Variants in RACGAP1 observed in about 807,000 individuals in gnomAD.
RACGAP1 encodes rac GTPase-activating protein 1.
RACGAP1 carries 30 observed loss-of-function variants against 78.1 expected under a neutral mutation model. The ratio of observed to expected loss-of-function variants is 0.38; its 90% CI spans 0.29 to 0.52. The LOEUF (loss-of-function observed/expected upper bound fraction) is 0.52, where lower values mean the gene tolerates loss of function less well. Ranked by LOEUF, RACGAP1 falls within the 20% of genes least tolerant of loss-of-function variation. RACGAP1 has a pLI of 0.82. For synonymous variants in RACGAP1, 231 were observed against 264.8 expected (o/e 0.87, Z 1.24); for missense variants, 587 against 777.1 (o/e 0.76, Z 2.91).
intron 1 of RACGAP1, among the ~76,000 whole-genome samples, chr12:50,024,604 C>T (rs568705736): frequency 3.0e-4 from 46 of 152,200 alleles, no homozygotes; most frequent in Admixed American, 5.2e-4. Flanking sequence ...GACCTCACCA[C>T]GACGCGATAT....
chr12:50,027,826 AAATCAATCAATC>A (rs532135598), upstream of RACGAP1, among the ~76,000 whole-genome samples: 1 of 152,136 alleles, frequency 6.6e-6, no homozygotes, highest in Non-Finnish European at 1.5e-5. Flanking sequence ...ACTCCATCTC[AAATCAATCAATC>A]AATCAATCAA....
At chr12:50,027,136 A>C (rs999111410), upstream of RACGAP1, among the ~76,000 whole-genome samples, 4 of 152,240 alleles carry the variant, frequency 2.6e-5, no homozygotes, top group Admixed American at 6.5e-5. Flanking sequence ...ACACTATCAA[A>C]GTTTATACTT....
chr12:50,028,899 T>C (rs1950304802), upstream of RACGAP1, among the ~76,000 whole-genome samples: 1 of 151,646 alleles, frequency 6.6e-6, no homozygotes, highest in African/African-American at 2.4e-5. Flanking sequence ...CTGGCCAACA[T>C]GGTGAAACCC....
chr12:49,994,113 T>C lies in RACGAP1; in HGVS notation c.1339+18A>G. The C allele has an allele frequency of 6.3e-7, 1 of 1,587,092 alleles. No homozygotes were observed. Among genetic ancestry groups the C allele is most frequent in the Non-Finnish European group, 8.6e-7 (1 of 1,159,580 alleles). ...TGCCGTGGAGGAATTCATATTCAAG[T>C]ATTACATCTGCCCTTACCTGCTGCT... On this transcript the variant is annotated intron_variant, in intron 12 of 16. Coordinates refer to ENST00000312377, the MANE Select transcript of RACGAP1 (RefSeq NM_001319999.2).
chr12:50,023,943 GGAGGTCAGTAGATCAA>G (rs1344471358), intron 1 of RACGAP1, among the ~76,000 whole-genome samples: 5 of 151,690 alleles, frequency 3.3e-5, no homozygotes, highest in Non-Finnish European at 7.4e-5. Context: ...GGGCAGATCA[GGAGGTCAGTAGATCAA>G]GACCATCCTG....
chr12:50,004,352 G>A, intron 4 of RACGAP1, 48 bp from the exon 5 acceptor site: 1 of 1,551,698 alleles, frequency 6.4e-7, no homozygotes, highest in South Asian at 1.2e-5. Context: ...ACTGTGGAAT[G>A]TAAAATTCAC....
chr12:50,015,942 T>TG (rs1252842252), intron 2 of RACGAP1, among the ~76,000 whole-genome samples: 1 of 151,148 alleles, frequency 6.6e-6, no homozygotes, highest in East Asian at 1.9e-4. Context: ...CCACTTCAAC[T>TG]GAAAATGCTT....
chr12:49,992,334 C>A lies in RACGAP1; in HGVS notation c.1489G>T (p.Ala497Ser). ...ACTATTGTAGGGCCAAAGACTTTAGCCAGATTGGCAACATCCATTTTAGTA... is the reference window on the plus strand; with the variant it reads ...ACTATTGTAGGGCCAAAGACTTTAGACAGATTGGCAACATCCATTTTAGTA... ...PHTKMDVANLAKVFGPTIVAH... is the reference protein window; with the variant it reads ...PHTKMDVANLSKVFGPTIVAH... The change falls in exon 14 of 17, where the codon GCT (alanine) becomes TCT (serine). Residue 497 changes from alanine to serine, a missense_variant. Coordinates refer to ENST00000312377, the MANE Select transcript of RACGAP1 (RefSeq NM_001319999.2). The A allele has an allele frequency of 1.2e-6, 2 of 1,614,136 alleles. No homozygotes were observed. The highest frequency in any genetic ancestry group is 1.7e-6 in the Non-Finnish European group (2 of 1,179,978).
At chr12:50,015,867 C>T (rs753812752) in intron 2 of RACGAP1, among the ~76,000 whole-genome samples, 101 of 150,034 alleles carry the variant, frequency 6.7e-4, no homozygotes, top group Non-Finnish European at 1.1e-3. Flanking sequence ...GGCATGGTGG[C>T]GCAACCTGGG....
chr12:50,024,725 C>A (rs1191248576), intron 1 of RACGAP1, among the ~76,000 whole-genome samples: 1 of 151,976 alleles, frequency 6.6e-6, no homozygotes, highest in Non-Finnish European at 1.5e-5. Flanking sequence ...AAGGCGCCTT[C>A]TCTAAACACC....
chr12:50,000,787 C>T (rs556924660), intron 7 of RACGAP1, among the ~76,000 whole-genome samples: 2 of 152,108 alleles, frequency 1.3e-5, no homozygotes, highest in South Asian at 4.2e-4. Flanking sequence ...CGGAGGCTCA[C>T]GCCTGTAATC....
chr12:49,993,516 G>A (rs899937049), intron 12 of RACGAP1, among the ~76,000 whole-genome samples: 7 of 152,208 alleles, frequency 4.6e-5, no homozygotes, highest in Non-Finnish European at 8.8e-5. Context: ...GCCAGGTGTG[G>A]TGGCTCATGC....
rs557862037 is a variant in RACGAP1, at chr12:49,994,514, A to G, written c.1045-5T>C. 12 of 1,499,910 alleles carry G rather than the reference A, an allele frequency of 8.0e-6. No individual in the cohort carries two copies. The African/African-American group carries it at 1.1e-4, about 14-fold the overall frequency. 92.9% of individuals were successfully genotyped at this position (1,499,910 alleles called of 1,614,324 possible). A position where few individuals can be genotyped will look rare whatever the true frequency, so the allele number is the denominator to read the frequency against. ...CACAAAGTCTGCCAGCATTCCCTGG[A>G]AAAAAAAAAGAGCTTTAAATTATTA... is the stretch of plus-strand genomic sequence containing the variant. On this transcript the variant is annotated splice_polypyrimidine_tract_variant and splice_region_variant and intron_variant, in intron 10 of 16. Coordinates refer to ENST00000312377, the MANE Select transcript of RACGAP1 (RefSeq NM_001319999.2).
chr12:50,002,286 A>C lies in RACGAP1; in HGVS notation c.510T>G (p.Ser170=), dbSNP rs749379833. ...KTDESLDWDS[S]LVKTFKLKKR... ...TCTTCAGTTTGAAAGTCTTCACCAA[A>C]GAAGAGTCCCAATCCTGTTGACAAT... The change falls in exon 6 of 17, where the codon TCT becomes TCG. Residue 170 remains serine (S), a synonymous_variant. Transcript: ENST00000312377. 1 of 1,613,660 alleles carries C rather than the reference A, an allele frequency of 6.2e-7. No individual in the cohort carries two copies. The highest frequency in any genetic ancestry group is 1.1e-5 in the South Asian group (1 of 91,056).
chr12:50,023,884 G>A (rs539424169), intron 1 of RACGAP1, among the ~76,000 whole-genome samples: 25 of 152,128 alleles, frequency 1.6e-4, no homozygotes, highest in Non-Finnish European at 3.2e-4. Context: ...TATATCGGCC[G>A]GGCGTGGTGG....
chr12:50,000,411 T>G (rs918158989), intron 7 of RACGAP1, among the ~76,000 whole-genome samples: 6 of 151,970 alleles, frequency 3.9e-5, no homozygotes, highest in African/African-American at 1.4e-4. Context: ...TGCCTAGGCC[T>G]CCCAAAGTGC....
chr12:50,021,846 C>T (rs1435508836), intron 1 of RACGAP1, among the ~76,000 whole-genome samples: 1 of 152,136 alleles, frequency 6.6e-6, no homozygotes, highest in African/African-American at 2.4e-5. Context: ...AAGATCCTTT[C>T]ATAGGAACAC....
intron 10 of RACGAP1, among the ~76,000 whole-genome samples, chr12:49,995,615 C>T (rs971560928): frequency 6.6e-6 from 1 of 151,994 alleles, no homozygotes; most frequent in Admixed American, 6.6e-5. Context: ...ACCTAGCCTC[C>T]TGAGGAGCTA....
rs769980048 is a variant in RACGAP1, at chr12:49,999,738, A to G, written c.631-5T>C. ...TGCAACTATGGATTCATTCCCCTGC[A>G]ACAAAAGTAGTAATGAGGAAAGACA... is the stretch of plus-strand genomic sequence containing the variant. On this transcript the variant is annotated splice_polypyrimidine_tract_variant and splice_region_variant and intron_variant, in intron 7 of 16. Transcript: ENST00000312377. 1 of 1,595,042 alleles carries G rather than the reference A, an allele frequency of 6.3e-7. No individual in the cohort carries two copies. The highest frequency in any genetic ancestry group is 8.6e-7 in the Non-Finnish European group (1 of 1,162,542).
Sources: allele counts gnomAD v4.1 joint callset (sites outside exome capture counted in the v4.1 genomes callset), GRCh38; gene constraint gnomAD v4.1.1; transcripts MANE v1.5; gene names NCBI Gene and HGNC (gene_info 2026-07-23, HGNC 2026-07-21).